The following FAR2 variants were observed in gnomAD, a reference collection of about 807,000 sequenced individuals.
The protein encoded by FAR2 is epididymis secretory protein Li 81.
Under a neutral mutation model 56.0 loss-of-function variants are expected in FAR2, and 19 were observed. The observed-to-expected ratio is 0.34, with a 90% CI of 0.24 to 0.50. The LOEUF (loss-of-function observed/expected upper bound fraction) is 0.50. FAR2 is among the 20% of genes least tolerant of loss of function. The pLI is 0.98. For missense variants in FAR2, 508 were observed against 642.2 expected, an observed-to-expected ratio of 0.79 and a Z score of 2.26; for synonymous variants, 219 against 218.8, an observed-to-expected ratio of 1.00 and a Z score of -0.01.
At chr12:29,295,883 C>CT (rs1211357764) in intron 3 of FAR2, among the ~76,000 whole-genome samples, 1 of 150,128 alleles carries the variant, frequency 6.7e-6, no homozygotes, top group Non-Finnish European at 1.5e-5. Context: ...ATTCTCCTGC[C>CT]TCAGCCTCCC....
At chr12:29,285,284 T>C (rs1452798077) in intron 2 of FAR2, among the ~76,000 whole-genome samples, 2 of 152,256 alleles carry the variant, frequency 1.3e-5, no homozygotes, top group African/African-American at 2.4e-5. Context: ...GTTAAATCTC[T>C]ACATAAGGCA....
At chr12:29,167,717 C>T (rs1017973390) in intron 1 of FAR2, among the ~76,000 whole-genome samples, 1 of 152,210 alleles carries the variant, frequency 6.6e-6, no homozygotes, top group Non-Finnish European at 1.5e-5. Flanking sequence ...ATAAATACTA[C>T]AATCCAACAA....
chr12:29,159,697 G>A (rs1161668471), intron 1 of FAR2, among the ~76,000 whole-genome samples: 1 of 152,072 alleles, frequency 6.6e-6, no homozygotes, highest in Non-Finnish European at 1.5e-5. Flanking sequence ...TGTGTCACCA[G>A]GTCCTCTCTT....
intron 4 of FAR2, 84 bp downstream of exon 4, chr12:29,297,284 T>C: frequency 7.5e-7 from 1 of 1,327,376 alleles, no homozygotes; most frequent in Non-Finnish European, 1.0e-6. Flanking sequence ...ATTAATGAGA[T>C]GATGAAGTCA....
In FAR2 at chr12:29,328,230, G is replaced by T. The variant is rs1591975841; in HGVS notation, c.1258-4370G>T. ...ATACCATCTCACACCAGTTAGAATG[G>T]CAATCATTAAAAAGTCAGGAAACAA... On this transcript the variant is annotated intron_variant, in intron 10 of 11. Coordinates refer to ENST00000536681, the MANE Select transcript of FAR2 (RefSeq NM_001271783.2). Among the ~76,000 whole-genome samples the T allele has an allele frequency of 5.9e-5, 9 of 152,194 alleles. No individual in the cohort carries two copies. In the South Asian group the frequency reaches 1.9e-3, roughly 32 times the overall value.
chr12:29,311,833 A>AT, intron 7 of FAR2, 50 bp from the exon 8 acceptor site: 1 of 1,314,174 alleles, frequency 7.6e-7, no homozygotes, highest in South Asian at 1.3e-5. Flanking sequence ...TTTTTCTCTC[A>AT]TTAGTTTTCT....
chr12:29,331,523 T>C (rs1224764413), intron 10 of FAR2: 1 of 152,090 alleles, frequency 6.6e-6, no homozygotes, highest in East Asian at 1.9e-4. Flanking sequence ...CCAGAGATGA[T>C]ACCAGAATCT....
At chr12:29,173,744 T>C (rs1359953018) in intron 1 of FAR2, among the ~76,000 whole-genome samples, 1 of 152,058 alleles carries the variant, frequency 6.6e-6, no homozygotes, top group Non-Finnish European at 1.5e-5. Flanking sequence ...TTTTGGTTTG[T>C]TTGTTTCCCC....
chr12:29,222,594 T>A (rs1239749017), intron 1 of FAR2, among the ~76,000 whole-genome samples: 1 of 151,988 alleles, frequency 6.6e-6, no homozygotes, highest in Non-Finnish European at 1.5e-5. Flanking sequence ...TTCATCTGGA[T>A]TCTTCATGGG....
rs925961374 is a variant in FAR2, at chr12:29,170,635, GTCTCTCTCTT to G, written c.-39+21238_-39+21247del. Reference sequence around the variant, plus strand: ...TCTTCCTTTCTCTCTTTGACTTTCTGTCTCTCTCTTTCTCTCTCTCTCTGACTCCCTCTTT... The same window carrying G: ...TCTTCCTTTCTCTCTTTGACTTTCTGTCTCTCTCTCTCTGACTCCCTCTTT... On this transcript the variant is annotated intron_variant, in intron 1 of 11. Transcript: ENST00000536681. 2.5e-4 allele frequency among the ~76,000 whole-genome samples: 38 copies of G among 150,192 alleles called. No individual in the cohort carries two copies. The South Asian group carries it at 4.2e-3, about 17-fold the overall frequency.
chr12:29,251,616 C>A (rs925943994), intron 1 of FAR2, among the ~76,000 whole-genome samples: 2 of 152,152 alleles, frequency 1.3e-5, no homozygotes, highest in African/African-American at 4.8e-5. Context: ...ATATCCTGAG[C>A]AACTGGCAGA....
chr12:29,200,957 G>A (rs1236524033), intron 1 of FAR2, among the ~76,000 whole-genome samples: 8 of 152,168 alleles, frequency 5.3e-5, no homozygotes, highest in Non-Finnish European at 1.2e-4. Context: ...TGGACTGGCA[G>A]AGGAGAATAT....
At chr12:29,327,955 G>A (rs1414704570) in intron 10 of FAR2, among the ~76,000 whole-genome samples, 1 of 152,082 alleles carries the variant, frequency 6.6e-6, no homozygotes, top group Non-Finnish European at 1.5e-5. Flanking sequence ...ACCACCATCA[G>A]AGTAAACAGG....
chr12:29,253,565 A>G (rs1591894886), intron 1 of FAR2, among the ~76,000 whole-genome samples: 1 of 152,074 alleles, frequency 6.6e-6, no homozygotes, highest in African/African-American at 2.4e-5. Flanking sequence ...GCAAAGCATA[A>G]AAAAATGTGT....
At chr12:29,240,347 G>A (rs1015509183) in intron 1 of FAR2, among the ~76,000 whole-genome samples, 1 of 152,062 alleles carries the variant, frequency 6.6e-6, no homozygotes, top group Non-Finnish European at 1.5e-5. Flanking sequence ...CTGCTTCCGT[G>A]CAATTCTTCC....
At chr12:29,196,407 T>C (rs1051938101) in intron 1 of FAR2, among the ~76,000 whole-genome samples, 1 of 152,220 alleles carries the variant, frequency 6.6e-6, no homozygotes, top group Non-Finnish European at 1.5e-5. Context: ...TGATGTCTCA[T>C]TGTGCTTTTA....
At chr12:29,328,186 A>C (rs1949678528) in intron 10 of FAR2, among the ~76,000 whole-genome samples, 1 of 152,186 alleles carries the variant, frequency 6.6e-6, no homozygotes, top group Non-Finnish European at 1.5e-5. Context: ...AGAGAAATGC[A>C]AATCAAAACC....
chr12:29,249,794 G>A (rs1048248935), intron 1 of FAR2, among the ~76,000 whole-genome samples: 5 of 152,116 alleles, frequency 3.3e-5, no homozygotes, highest in Non-Finnish European at 5.9e-5. Flanking sequence ...GGCAACACAG[G>A]CTTATATTAA....
At chr12:29,248,503 G>C (rs903074465) in intron 1 of FAR2, among the ~76,000 whole-genome samples, 3 of 152,148 alleles carry the variant, frequency 2.0e-5, no homozygotes, top group Non-Finnish European at 4.4e-5. Context: ...ACTTTACAAG[G>C]TAATAGAATA....
Sources: allele counts gnomAD v4.1 joint callset (sites outside exome capture counted in the v4.1 genomes callset), GRCh38; gene constraint gnomAD v4.1.1; transcripts MANE v1.5; gene names NCBI Gene and HGNC (gene_info 2026-07-23, HGNC 2026-07-21).